Variants in ELP1 observed in about 807,000 individuals in gnomAD.
The protein encoded by ELP1 is elongator acetyltransferase complex subunit 1, also known as elongator complex protein 1.
In ELP1, 131 loss-of-function variants were observed where a neutral mutation model predicts 183.2. The ratio of observed to expected loss-of-function variants is 0.72; its 90% CI spans 0.62 to 0.83. The LOEUF is 0.83. Ranked by LOEUF, ELP1 falls within the 40% of genes least tolerant of loss-of-function variation. The pLI, the probability that ELP1 is intolerant of heterozygous loss-of-function variation, is 0.00. For missense variants in ELP1, 1,550 were observed against 1,594.9 expected, an observed-to-expected ratio of 0.97 and a Z score of 0.48; for synonymous variants, 555 against 569.0, an observed-to-expected ratio of 0.98 and a Z score of 0.35.
intron 4 of ELP1, 90 bp downstream of exon 4, chr9:108,927,282 G>T: frequency 1.9e-6 from 2 of 1,071,928 alleles, no homozygotes; most frequent in Non-Finnish European, 1.4e-6. Context: ...GAAATTTTTT[G>T]AAATTCAAGC....
intron 7 of ELP1, 75 bp from the exon 8 acceptor site, chr9:108,918,976 A>G (rs1829548490): frequency 4.7e-6 from 5 of 1,072,422 alleles, no homozygotes; most frequent in Middle Eastern, 2.1e-4. Context: ...AGAACTATTC[A>G]AACACCTTCC....
intron 3 of ELP1, among the ~76,000 whole-genome samples, chr9:108,928,917 A>C (rs1021493252): frequency 6.6e-6 from 1 of 152,236 alleles, no homozygotes; most frequent in African/African-American, 2.4e-5. Flanking sequence ...GTCAAACCCC[A>C]TTTGATTACT....
At position 108,896,989 on chromosome 9, in the gene ELP1, G is replaced by C; in HGVS notation, c.2551C>G (p.Leu851Val). ...TSHVKKTTPE[L>V]EIVLQKVHEL... ...TGTACTTTTTGCAGTACAATTTCCAGTTCTGGGGTTGTCTTCTTTACATGA... is the reference window on the plus strand; with the variant it reads ...TGTACTTTTTGCAGTACAATTTCCACTTCTGGGGTTGTCTTCTTTACATGA... The change falls in exon 24 of 37, where the codon CTG (leucine) becomes GTG (valine). Residue 851 changes from leucine (L) to valine (V), a missense_variant. Coordinates refer to ENST00000374647, the MANE Select transcript of ELP1 (RefSeq NM_003640.5). 6.2e-7 allele frequency: 1 copy of C among 1,614,146 alleles called. No homozygotes were observed. The highest frequency in any genetic ancestry group is 8.5e-7 in the Non-Finnish European group (1 of 1,180,014).
chr9:108,909,967 A>G (rs1829153044), intron 12 of ELP1, among the ~76,000 whole-genome samples: 1 of 152,194 alleles, frequency 6.6e-6, no homozygotes, highest in Non-Finnish European at 1.5e-5. Context: ...ATATATATTC[A>G]TACACACACA....
intron 1 of ELP1, among the ~76,000 whole-genome samples, chr9:108,933,159 G>A (rs1830054989): frequency 6.6e-6 from 1 of 152,180 alleles, no homozygotes. Context: ...GACCTGGAAA[G>A]CAAAGAACTT....
chr9:108,920,280 A>ATT lies in ELP1; in HGVS notation c.553-933_553-932dup, dbSNP rs34765805. On this transcript the variant is annotated intron_variant, in intron 6 of 36. Coordinates refer to ENST00000374647, the MANE Select transcript of ELP1 (RefSeq NM_003640.5). Reference sequence around the variant, plus strand: ...CTCCTCAATTCCTCCCTCTCACCCAATTTTTTTTTTTTTTTTTTTGAGACG... The same window carrying ATT: ...CTCCTCAATTCCTCCCTCTCACCCAATTTTTTTTTTTTTTTTTTTTTGAGACG... Among the ~76,000 whole-genome samples, 730 of 132,308 alleles carry ATT rather than the reference A, an allele frequency of 5.5e-3. 12 individuals are homozygous for ATT. The highest frequency in any genetic ancestry group is 0.024 in the South Asian group (97 of 4,074). 86.8% of individuals were successfully genotyped at this position (132,308 alleles called of 152,430 possible). A position where few individuals can be genotyped will look rare whatever the true frequency, so the allele number is the denominator to read the frequency against.
At position 108,931,073 on chromosome 9, in the gene ELP1, G is replaced by C. The variant is rs1829990677; in HGVS notation, c.74C>G (p.Ser25Cys). The C allele has an allele frequency of 1.2e-6, 2 of 1,614,068 alleles. No homozygotes were observed. The highest frequency in any genetic ancestry group is 8.5e-7 in the Non-Finnish European group (1 of 1,179,922). The change falls in exon 2 of 37, where the codon TCT (serine) becomes TGT (cysteine). Residue 25 changes from serine to cysteine, a missense_variant. Coordinates refer to ENST00000374647, the MANE Select transcript of ELP1 (RefSeq NM_003640.5). ...IQGPGNPQCFSLRTEQGTVLI... is the reference protein window; with the variant it reads ...IQGPGNPQCFCLRTEQGTVLI... ...CACCGTCCCCTGTTCAGTTCGGAGAGAGAAGCACTGAGGATTCCCTGGACC... is the reference window on the plus strand; with the variant it reads ...CACCGTCCCCTGTTCAGTTCGGAGACAGAAGCACTGAGGATTCCCTGGACC...
intron 5 of ELP1, among the ~76,000 whole-genome samples, chr9:108,925,971 C>T (rs1026455149): frequency 1.2e-4 from 18 of 152,206 alleles, no homozygotes; most frequent in Non-Finnish European, 1.9e-4. Context: ...GAAGTTGGAA[C>T]ATCTTCTTCC....
intron 5 of ELP1, among the ~76,000 whole-genome samples, chr9:108,923,978 T>C (rs1829744649): frequency 6.6e-6 from 1 of 152,220 alleles, no homozygotes; most frequent in Admixed American, 6.5e-5. Context: ...CATATGACCA[T>C]TTCCTGTCTG....
chr9:108,878,834 G>A lies in ELP1; in HGVS notation c.3573-84C>T, dbSNP rs1248247770. The A allele has an allele frequency of 8.8e-6, 13 of 1,478,454 alleles. No individual in the cohort carries two copies. In the African/African-American group the frequency reaches 1.8e-4, roughly 20 times the overall value. The allele number at this position is 1,478,454 out of a possible 1,614,324, so 91.6% of individuals were successfully genotyped here. ...TGCTACCTTGCCTGGCTACTTTCTT[G>A]CAGTTGCTGATGACCCCACACAACT... On this transcript the variant is annotated intron_variant, in intron 33 of 36. Transcript: ENST00000374647.
At chr9:108,933,257 G>A (rs1399517903) in intron 1 of ELP1, among the ~76,000 whole-genome samples, 1 of 152,158 alleles carries the variant, frequency 6.6e-6, no homozygotes, top group African/African-American at 2.4e-5. Flanking sequence ...TGTCTTTGCT[G>A]CCTTTTTGCT....
intron 36 of ELP1, among the ~76,000 whole-genome samples, chr9:108,870,754 A>G (rs1827418867): frequency 6.6e-6 from 1 of 152,200 alleles, no homozygotes; most frequent in African/African-American, 2.4e-5. Context: ...CCATGTTGTA[A>G]AAGAAGCCAA....
Position 108,879,548 on chromosome 9 carries a change from A to G in ELP1, c.3470T>C (p.Val1157Ala). 1 of 1,612,732 alleles carries G rather than the reference A, an allele frequency of 6.2e-7. No individual in the cohort carries two copies. The highest frequency in any genetic ancestry group is 8.5e-7 in the Non-Finnish European group (1 of 1,178,758). Reference sequence around the variant, plus strand: ...GAGGTCTGACTCTTGCCCGTGGGGTACCTCATCATCTAGAAAAGAAGAACC... The same window carrying G: ...GAGGTCTGACTCTTGCCCGTGGGGTGCCTCATCATCTAGAAAAGAAGAACC... ...QAQQAGLDDE[V>A]PHGQESDLFS... is the part of the protein sequence containing the mutation. The change falls in exon 33 of 37, where the codon GTA (valine) becomes GCA (alanine). Residue 1157 changes from valine (V) to alanine (A), a missense_variant. Val to Ala is a moderately conservative substitution (Grantham distance 64). Coordinates refer to ENST00000374647, the MANE Select transcript of ELP1 (RefSeq NM_003640.5).
intron 22 of ELP1, among the ~76,000 whole-genome samples, 193 bp from the exon 23 acceptor site, chr9:108,897,478 A>G (rs534104039): frequency 5.3e-4 from 80 of 152,374 alleles, no homozygotes; most frequent in African/African-American, 1.8e-3. Flanking sequence ...TTTTAGTCAC[A>G]TTAGCCCCAA....
intron 3 of ELP1, 136 bp from the exon 4 acceptor site, chr9:108,927,589 G>T: frequency 1.4e-6 from 1 of 729,516 alleles, no homozygotes; most frequent in Non-Finnish European, 2.5e-6. Context: ...GCACTCTCAT[G>T]TTTGTTGCAG....
intron 9 of ELP1, 61 bp from the exon 10 acceptor site, chr9:108,916,358 T>A: frequency 7.9e-7 from 1 of 1,267,246 alleles, no homozygotes. Context: ...CAAATCTTTA[T>A]AATAGCTGTA....
rs1191442185 is a variant in ELP1 at position 108,874,967 on chromosome 9, G to A, written c.3859C>T (p.Leu1287=). The change falls in exon 36 of 37, where the codon CTA becomes TTA. Residue 1287 remains leucine (L), a synonymous_variant. Coordinates refer to ENST00000374647, the MANE Select transcript of ELP1 (RefSeq NM_003640.5). ...TYQQNSATPV[L]GPNSTANSIM... ...CTATTTGCAGTAGAATTGGGACCTA[G>A]AACCTGAGGAGAAAATAGACTGTAT... 6.2e-7 allele frequency: 1 copy of A among 1,604,616 alleles called. No individual in the cohort carries two copies. The highest frequency in any genetic ancestry group is 2.2e-5 in the East Asian group (1 of 44,832).
intron 36 of ELP1, among the ~76,000 whole-genome samples, chr9:108,871,120 G>A (rs745928246): frequency 5.3e-5 from 8 of 152,056 alleles, no homozygotes; most frequent in East Asian, 1.9e-4. Flanking sequence ...GGCTTTCACA[G>A]CTTTTTCTAT....
intron 14 of ELP1, among the ~76,000 whole-genome samples, chr9:108,904,321 C>T (rs940031401): frequency 7.3e-5 from 11 of 149,722 alleles, no homozygotes; most frequent in Admixed American, 2.0e-4. Context: ...CACAGCTCAC[C>T]GCAATCTCAA....
Sources: gnomAD v4.1 joint callset for allele counts (sites outside exome capture counted in the v4.1 genomes callset) on GRCh38, gnomAD v4.1.1 for gene constraint, MANE v1.5 for transcripts, NCBI Gene and HGNC (gene_info 2026-07-23, HGNC 2026-07-21) for gene names.